Variants in GSG1L observed in about 807,000 individuals in gnomAD.
GSG1L encodes the protein germ cell-specific gene 1-like protein.
GSG1L carries 24 observed loss-of-function variants against 42.1 expected under a neutral mutation model. The ratio of observed to expected loss-of-function variants is 0.57; its 90% CI spans 0.41 to 0.80. The LOEUF (loss-of-function observed/expected upper bound fraction) is 0.80, where lower values mean the gene tolerates loss of function less well. GSG1L is among the 30% of genes least tolerant of loss of function. The pLI is 0.00. For synonymous variants in GSG1L, 215 were observed against 203.5 expected, an observed-to-expected ratio of 1.06 and a Z score of -0.48; for missense variants, 445 against 472.2, an observed-to-expected ratio of 0.94 and a Z score of 0.53.
chr16:28,013,750 G>A (rs1466706321), intron 1 of GSG1L, among the ~76,000 whole-genome samples: 2 of 152,248 alleles, frequency 1.3e-5, no homozygotes, highest in Admixed American at 6.5e-5. Flanking sequence ...AAACACTAGC[G>A]ATTGTACACC....
chr16:27,856,845 C>A (rs933667261), intron 3 of GSG1L, among the ~76,000 whole-genome samples: 1 of 152,078 alleles, frequency 6.6e-6, no homozygotes, highest in Admixed American at 6.6e-5. Context: ...AGGAGAGATG[C>A]GGATTTGGGT....
At chr16:27,794,846 G>A (rs2082800442) in intron 6 of GSG1L, among the ~76,000 whole-genome samples, 1 of 152,112 alleles carries the variant, frequency 6.6e-6, no homozygotes, top group Non-Finnish European at 1.5e-5. Flanking sequence ...CTAGGTGGGA[G>A]CGCCCTTCCC....
intron 4 of GSG1L, among the ~76,000 whole-genome samples, chr16:27,832,057 T>C (rs1488107616): frequency 1.3e-5 from 2 of 152,214 alleles, no homozygotes; most frequent in African/African-American, 4.8e-5. Flanking sequence ...CTCTCCATCA[T>C]TCTGTATCAC....
chr16:28,017,302 G>C (rs1487331986), intron 1 of GSG1L, among the ~76,000 whole-genome samples: 1 of 152,196 alleles, frequency 6.6e-6, no homozygotes, highest in East Asian at 1.9e-4. Context: ...AGGGACATTC[G>C]GAACAGAACA....
In GSG1L at chr16:27,908,617, T is replaced by C. The variant is rs759528108; in HGVS notation, c.398-23979A>G. On this transcript the variant is annotated intron_variant, in intron 2 of 6. Transcript: ENST00000447459. ...CAAGGTGGCTTTTCTGGTGTGGGCC[T>C]TCTTCCTGCGTCCTTGCATGGCAGG... Among the ~76,000 whole-genome samples, 89 of 152,184 alleles carry C rather than the reference T, an allele frequency of 5.8e-4. 1 individual carries two copies. The highest frequency in any genetic ancestry group is 2.6e-4 in the Non-Finnish European group (18 of 68,034).
chr16:27,947,747 C>T (rs913403951), intron 2 of GSG1L, among the ~76,000 whole-genome samples: 2 of 152,030 alleles, frequency 1.3e-5, no homozygotes, highest in Non-Finnish European at 2.9e-5. Flanking sequence ...TCTTAAGGAC[C>T]GGTATGCAGG....
chr16:28,059,921 G>GA lies in GSG1L; in HGVS notation c.349+3154dup, dbSNP rs1340468970. 1.3e-5 allele frequency among the ~76,000 whole-genome samples: 2 copies of GA among 152,126 alleles called. No homozygotes were observed. The highest frequency in any genetic ancestry group is 2.4e-5 in the African/African-American group (1 of 41,438). On this transcript the variant is annotated intron_variant, in intron 1 of 6. Transcript: ENST00000447459. The surrounding 1 kb of genome is among the most constrained non-coding windows in gnomAD (Gnocchi z 4.4). Reference sequence around the variant, plus strand: ...TGAACACTGTAGATTTTTAGTGTGGGAAAAAGGGCTTATTACATTTCCCTG... The same window carrying GA: ...TGAACACTGTAGATTTTTAGTGTGGGAAAAAAGGGCTTATTACATTTCCCTG...
At position 27,884,705 on chromosome 16, in the gene GSG1L, T is replaced by C. The variant is rs1026876016; in HGVS notation, c.398-67A>G. ...CCAAGATAGACTCACCCTGTGCCTA[T>C]TCCTCCCACAACAGCAGAGGGTAGC... On this transcript the variant is annotated intron_variant, in intron 2 of 6. Transcript: ENST00000447459. The surrounding 1 kb of genome is among the most constrained non-coding windows in gnomAD (Gnocchi z 4.4). 9.6e-6 allele frequency: 14 copies of C among 1,458,932 alleles called. No homozygotes were observed. Among genetic ancestry groups the C allele is most frequent in the African/African-American group, 1.4e-5 (1 of 70,840 alleles). The allele number at this position is 1,458,932 out of a possible 1,614,324, so 90.4% of individuals were successfully genotyped here. A position where few individuals can be genotyped will look rare whatever the true frequency, so the allele number is the denominator to read the frequency against.
At chr16:27,864,038 T>C (rs1003556036) in intron 3 of GSG1L, among the ~76,000 whole-genome samples, 1 of 152,246 alleles carries the variant, frequency 6.6e-6, no homozygotes, top group Non-Finnish European at 1.5e-5. Context: ...GCACTGCTAT[T>C]GGCCTCATTC....
chr16:27,973,893 T>G (rs1427944008), intron 1 of GSG1L, among the ~76,000 whole-genome samples: 1 of 152,180 alleles, frequency 6.6e-6, no homozygotes, highest in Non-Finnish European at 1.5e-5. Context: ...TGCTCTGGGC[T>G]CCTTCGTGGG....
intron 6 of GSG1L, among the ~76,000 whole-genome samples, chr16:27,802,530 T>C (rs143946242): frequency 5.9e-5 from 9 of 152,180 alleles, no homozygotes; most frequent in African/African-American, 1.7e-4. Context: ...CAGGCTCTTT[T>C]CTTCCCTGAG....
intron 2 of GSG1L, among the ~76,000 whole-genome samples, chr16:27,905,978 G>C (rs1183474714): frequency 6.6e-6 from 1 of 151,940 alleles, no homozygotes; most frequent in African/African-American, 2.4e-5. Context: ...CTCTCATCTG[G>C]GAGGCACCCA....
intron 1 of GSG1L, among the ~76,000 whole-genome samples, chr16:27,988,325 T>TTTTTTTTTTTTTTTTTTTTTTTTTTTG (rs1567546224): frequency 6.6e-6 from 1 of 151,960 alleles, no homozygotes; most frequent in African/African-American, 2.4e-5. Flanking sequence ...GAAACAATTC[T>TTTTTTTTTTTTTTTTTTTTTTTTTTTG]ATATACAGAG....
chr16:28,001,619 C>G (rs2085578686), intron 1 of GSG1L, among the ~76,000 whole-genome samples: 1 of 152,196 alleles, frequency 6.6e-6, no homozygotes, highest in South Asian at 2.1e-4. Context: ...GACCAGAGGC[C>G]CTCTCCCAGG....
chr16:27,843,853 T>C (rs745635070), intron 4 of GSG1L, among the ~76,000 whole-genome samples: 9 of 152,152 alleles, frequency 5.9e-5, no homozygotes, highest in Non-Finnish European at 1.2e-4. Flanking sequence ...GGAGAGAGAA[T>C]ATGACCTAAG....
At chr16:28,012,893 C>CA (rs34003980) in intron 1 of GSG1L, among the ~76,000 whole-genome samples, 91,996 of 128,362 alleles carry the variant, frequency 0.72, 33,938 homozygotes, top group East Asian at 0.84. Context: ...CAAGAACTCT[C>CA]AAAAAAAAAA....
intron 4 of GSG1L, among the ~76,000 whole-genome samples, chr16:27,835,946 C>A (rs933250087): frequency 1.3e-5 from 2 of 152,030 alleles, no homozygotes; most frequent in Non-Finnish European, 2.9e-5. Flanking sequence ...TTCATTCATT[C>A]TTTCTTATAT....
At chr16:27,815,874 C>T (rs1254699193) in intron 5 of GSG1L, among the ~76,000 whole-genome samples, 1 of 152,144 alleles carries the variant, frequency 6.6e-6, no homozygotes, top group Non-Finnish European at 1.5e-5. Context: ...ACTCGGGAGG[C>T]TGAGGTGGGA....
chr16:28,056,380 C>A (rs2086279570), intron 1 of GSG1L, among the ~76,000 whole-genome samples: 1 of 147,350 alleles, frequency 6.8e-6, no homozygotes, highest in Admixed American at 7.1e-5. Flanking sequence ...GACAAAAAAC[C>A]AAACACCACA....
Sources: allele counts gnomAD v4.1 joint callset (sites outside exome capture counted in the v4.1 genomes callset), GRCh38; gene constraint gnomAD v4.1.1; non-coding constraint Gnocchi (gnomAD v3.1); transcripts MANE v1.5; gene names NCBI Gene and HGNC (gene_info 2026-07-23, HGNC 2026-07-21).